The following PRDM11 variants were observed in gnomAD, a reference collection of about 807,000 sequenced individuals.
PRDM11 encodes the protein PR/SET domain 11.
In PRDM11, 20 loss-of-function variants were observed where a neutral mutation model predicts 97.8. That is an observed-to-expected ratio of 0.20 (90% CI 0.14 to 0.30). The LOEUF (loss-of-function observed/expected upper bound fraction) is 0.30, where lower values mean the gene tolerates loss of function less well. Ranked by LOEUF, PRDM11 falls within the 10% of genes least tolerant of loss-of-function variation. The pLI is 1.00. For missense variants in PRDM11, 1,139 were observed against 1,555.2 expected, an observed-to-expected ratio of 0.73 and a Z score of 4.50; for synonymous variants, 599 against 637.7, an observed-to-expected ratio of 0.94 and a Z score of 0.91.
At chr11:45,212,668 C>A in intron 5 of PRDM11, 1 of 456,338 alleles carries the variant, frequency 2.2e-6, no homozygotes, top group Non-Finnish European at 4.4e-6. Flanking sequence ...CCTGCAGGAC[C>A]CCTCGGCCGC....
intron 1 of PRDM11, among the ~76,000 whole-genome samples, chr11:45,165,375 G>A (rs564680591): frequency 1.3e-4 from 20 of 152,234 alleles, no homozygotes; most frequent in Non-Finnish European, 2.8e-4. Context: ...GGGTGCTGGG[G>A]ATTTGGAAGC....
rs1386761228 is a variant in PRDM11 at position 45,232,145 on chromosome 11, C to T, written c.*3986C>T. The T allele has an allele frequency of 6.6e-6, 1 of 152,148 alleles. No individual in the cohort carries two copies. Among genetic ancestry groups the T allele is most frequent in the Non-Finnish European group, 1.5e-5 (1 of 68,042 alleles). 9.4% of individuals were successfully genotyped at this position (152,148 alleles called of 1,614,324 possible). On this transcript the variant is annotated 3_prime_UTR_variant, in exon 8 of 8. Transcript: ENST00000683152. ...ACTTAAGGTAATGTTTAAATGTTTT[C>T]CATTCATTTGGAGGTGGTGCCAACA... is the stretch of plus-strand genomic sequence containing the variant.
At chr11:45,174,855 C>T (rs1425390945) in intron 1 of PRDM11, among the ~76,000 whole-genome samples, 4 of 152,306 alleles carry the variant, frequency 2.6e-5, no homozygotes, top group Admixed American at 2.0e-4. Flanking sequence ...CCCATGTGTA[C>T]AGATCTGCAT....
intron 1 of PRDM11, among the ~76,000 whole-genome samples, chr11:45,113,046 T>G (rs1309361965): frequency 1.3e-5 from 2 of 152,086 alleles, no homozygotes; most frequent in Non-Finnish European, 1.5e-5. Flanking sequence ...TCTAGAAGAG[T>G]TTTTCTGATG....
chr11:45,222,411 T>C (rs1214264784), intron 6 of PRDM11, among the ~76,000 whole-genome samples: 1 of 152,180 alleles, frequency 6.6e-6, no homozygotes, highest in African/African-American at 2.4e-5. Flanking sequence ...GATTGTCCCA[T>C]GAGGAAAGGA....
chr11:45,113,516 T>G (rs1167298197), intron 1 of PRDM11, among the ~76,000 whole-genome samples: 1 of 152,180 alleles, frequency 6.6e-6, no homozygotes, highest in Non-Finnish European at 1.5e-5. Context: ...GGAATTGCAT[T>G]GAATCTGTAG....
intron 1 of PRDM11, among the ~76,000 whole-genome samples, chr11:45,136,729 C>G (rs1470253612): frequency 1.3e-5 from 2 of 152,190 alleles, no homozygotes; most frequent in South Asian, 4.1e-4. Context: ...CAACCCCACC[C>G]AAGGCAGTTC....
At chr11:45,178,694 G>A (rs1384268897) in intron 1 of PRDM11, among the ~76,000 whole-genome samples, 1 of 152,244 alleles carries the variant, frequency 6.6e-6, no homozygotes, top group Admixed American at 6.5e-5. Flanking sequence ...GCAAAGTGGA[G>A]AGTCAGCCAA....
At chr11:45,147,377 GC>G in intron 1 of PRDM11, 1 of 152,190 alleles carries the variant, frequency 6.6e-6, no homozygotes, top group Non-Finnish European at 1.5e-5. Flanking sequence ...CGCGCCGGGG[GC>G]TGCTGCGGGG....
intron 1 of PRDM11, among the ~76,000 whole-genome samples, chr11:45,179,975 G>A (rs1852426940): frequency 6.6e-6 from 1 of 152,244 alleles, no homozygotes; most frequent in African/African-American, 2.4e-5. Flanking sequence ...GCTCCCACCT[G>A]GCAGCTGGAC....
chr11:45,227,398 T>A lies in PRDM11; in HGVS notation c.2773T>A (p.Ser925Thr). The A allele has an allele frequency of 2.6e-6, 4 of 1,533,802 alleles. No individual in the cohort carries two copies. The highest frequency in any genetic ancestry group is 3.5e-6 in the Non-Finnish European group (4 of 1,146,714). ...AIQEISRLAD[S>T]PGEYLQEFEE... ...CCAGGAGATCAGCCGGCTGGCTGACTCCCCGGGAGAATACCTGCAGGAGTT... is the reference window on the plus strand; with the variant it reads ...CCAGGAGATCAGCCGGCTGGCTGACACCCCGGGAGAATACCTGCAGGAGTT... The change falls in exon 8 of 8, where the codon TCC becomes ACC. Residue 925 changes from serine (S) to threonine (T), a missense_variant. Around this residue, in one of 2 missense-constraint regions of PRDM11, gnomAD observed 710 missense variants for 1,044.9 expected, o/e 0.68. Coordinates refer to ENST00000683152, the MANE Select transcript of PRDM11 (RefSeq NM_001384648.1). This position sits in a 1 kb window ranked among gnomAD's most constrained non-coding sequence, Gnocchi z 8.0.
In PRDM11 at chr11:45,224,497, C is replaced by T. The variant is rs371711543; in HGVS notation, c.1023C>T (p.Ala341=). 1 of 1,614,190 alleles carries T rather than the reference C, an allele frequency of 6.2e-7. No individual in the cohort carries two copies. The highest frequency in any genetic ancestry group is 1.1e-5 in the South Asian group (1 of 91,084). Residue 341 remains alanine (A), a synonymous_variant, in exon 7 of 8, where the codon GCC becomes GCT. Coordinates refer to ENST00000683152, the MANE Select transcript of PRDM11 (RefSeq NM_001384648.1). ...IRKVPKYQDD[A]YSQCATTMTH... ...AAGTCCCCAAATACCAGGATGACGC[C>T]TACAGTCAGTGTGCAACAACAATGA...
chr11:45,146,391 T>C (rs1851508569), upstream of PRDM11, among the ~76,000 whole-genome samples: 1 of 152,164 alleles, frequency 6.6e-6, no homozygotes, highest in Non-Finnish European at 1.5e-5. Context: ...AGTTCGAAAG[T>C]TCTCTCTTAA....
At position 45,234,976 on chromosome 11, in the gene PRDM11, CTG is replaced by C. The variant is rs1854477480; in HGVS notation, c.*6822_*6823del. On this transcript the variant is annotated 3_prime_UTR_variant, in exon 8 of 8. Coordinates refer to ENST00000683152, the MANE Select transcript of PRDM11 (RefSeq NM_001384648.1). ...TTTTGCAGACTACGCTTTATAGTAC[CTG>C]TGTGACGGGACCTAGAACACTGGAT... The C allele has an allele frequency of 6.6e-6, 1 of 152,122 alleles. No individual in the cohort carries two copies. The highest frequency in any genetic ancestry group is 2.4e-5 in the African/African-American group (1 of 41,406). 9.4% of individuals were successfully genotyped at this position (152,122 alleles called of 1,614,324 possible).
At chr11:45,103,451 A>C (rs1377419422) in intron 1 of PRDM11, among the ~76,000 whole-genome samples, 1 of 152,220 alleles carries the variant, frequency 6.6e-6, no homozygotes, top group Non-Finnish European at 1.5e-5. Context: ...GTAGAGACAG[A>C]AAAATCTAGG....
At chr11:45,109,686 C>A (rs1048573795) in intron 1 of PRDM11, among the ~76,000 whole-genome samples, 1 of 152,180 alleles carries the variant, frequency 6.6e-6, no homozygotes, top group South Asian at 2.1e-4. Flanking sequence ...TGAGTCAGAT[C>A]TTTCCAGGGA....
chr11:45,171,971 C>T (rs1852212873), intron 1 of PRDM11, among the ~76,000 whole-genome samples: 1 of 152,224 alleles, frequency 6.6e-6, no homozygotes, highest in Non-Finnish European at 1.5e-5. Context: ...GATAAGAGCT[C>T]AGTTACACAA....
At chr11:45,161,538 G>A (rs983887383) in intron 1 of PRDM11, among the ~76,000 whole-genome samples, 6 of 152,204 alleles carry the variant, frequency 3.9e-5, no homozygotes, top group African/African-American at 7.2e-5. Context: ...CAGGTTTCCC[G>A]GCTGTCAATG....
upstream of PRDM11, among the ~76,000 whole-genome samples, chr11:45,094,587 A>AGGGAG (rs139677664): frequency 1.2e-5 from 1 of 84,852 alleles, no homozygotes; most frequent in Non-Finnish European, 2.2e-5. Context: ...GGAGAAGGAA[A>AGGGAG]GGGAGGGGAG....
Sources: gnomAD v4.1 joint callset for allele counts (sites outside exome capture counted in the v4.1 genomes callset) on GRCh38, gnomAD v4.1.1 for gene constraint, gnomAD v4.1.1 regional missense constraint, Gnocchi (gnomAD v3.1) non-coding constraint, MANE v1.5 for transcripts, NCBI Gene and HGNC (gene_info 2026-07-23, HGNC 2026-07-21) for gene names.